KAZN: variants seen among roughly 807,000 people sequenced by gnomAD.
The protein encoded by KAZN is kazrin.
Under a neutral mutation model 87.4 loss-of-function variants are expected in KAZN, and 40 were observed. That is an observed-to-expected ratio of 0.46 (90% CI 0.36 to 0.60). The LOEUF is 0.60. Among genes scored for constraint, KAZN ranks in the 20% least tolerant of loss-of-function variants. KAZN has a pLI of 0.00. For missense variants in KAZN, 898 were observed against 1,073.9 expected (o/e 0.84, Z 2.29); for synonymous variants, 466 against 458.3 (o/e 1.02, Z -0.22).
intron 2 of KAZN, among the ~76,000 whole-genome samples, chr1:14,371,811 A>T (rs2101018485): frequency 6.6e-6 from 1 of 152,246 alleles, no homozygotes; most frequent in African/African-American, 2.4e-5. Flanking sequence ...AAGAAACAGG[A>T]GAATTATCTT....
At chr1:15,030,213 C>T (rs1671552537) in intron 2 of KAZN, among the ~76,000 whole-genome samples, 1 of 152,178 alleles carries the variant, frequency 6.6e-6, no homozygotes, top group Non-Finnish European at 1.5e-5. Context: ...GGCCCCGGCT[C>T]TTCCTTAAGG....
intron 1 of KAZN, among the ~76,000 whole-genome samples, chr1:14,753,192 C>A (rs1403815202): frequency 6.6e-6 from 1 of 152,092 alleles, no homozygotes; most frequent in Non-Finnish European, 1.5e-5. Context: ...GCATTGAGCA[C>A]CTCCTGTTTA....
intron 2 of KAZN, among the ~76,000 whole-genome samples, chr1:14,409,200 G>GA (rs1199011571): frequency 6.6e-6 from 1 of 152,012 alleles, no homozygotes; most frequent in Non-Finnish European, 1.5e-5. Flanking sequence ...GAGCTTTCCA[G>GA]AAAAAAAGTT....
intron 2 of KAZN, among the ~76,000 whole-genome samples, chr1:14,453,324 G>A (rs955121013): frequency 1.3e-5 from 2 of 152,172 alleles, no homozygotes; most frequent in Non-Finnish European, 2.9e-5. Context: ...AAAGGGAAAT[G>A]TGTCTCTATT....
At chr1:14,098,111 G>A (rs1644169382) in intron 1 of KAZN, among the ~76,000 whole-genome samples, 1 of 152,016 alleles carries the variant, frequency 6.6e-6, no homozygotes, top group African/African-American at 2.4e-5. Flanking sequence ...AGTCCTCCCA[G>A]CCAGCAAAGG....
chr1:14,605,313 C>T (rs958477284), intron 1 of KAZN, among the ~76,000 whole-genome samples: 1 of 152,134 alleles, frequency 6.6e-6, no homozygotes. Flanking sequence ...AAGCGCTTAA[C>T]ATGCATTATT....
chr1:14,974,784 G>A (rs1244754129), intron 2 of KAZN, among the ~76,000 whole-genome samples: 1 of 152,218 alleles, frequency 6.6e-6, no homozygotes, highest in Non-Finnish European at 1.5e-5. Context: ...GAAAGCTCCT[G>A]TAGGAACGTG....
At chr1:14,335,230 T>G (rs1571328256) in intron 2 of KAZN, among the ~76,000 whole-genome samples, 1 of 140,714 alleles carries the variant, frequency 7.1e-6, no homozygotes, top group Non-Finnish European at 1.5e-5. Context: ...GGAGATGGAG[T>G]CTCGCTCTGT....
chr1:15,103,124 C>G (rs540473951), intron 11 of KAZN, among the ~76,000 whole-genome samples: 2 of 152,292 alleles, frequency 1.3e-5, no homozygotes, highest in Admixed American at 6.5e-5. Flanking sequence ...GAAAGCAGCC[C>G]GGTGTGGTGG....
In KAZN at chr1:14,626,271, TC is replaced by T. The variant is rs1679133881; in HGVS notation, c.226+27049del. Among the ~76,000 whole-genome samples, 3 of 152,348 alleles carry T rather than the reference TC, an allele frequency of 2.0e-5. No homozygotes were observed. In the East Asian group the frequency reaches 5.8e-4, roughly 29 times the overall value. On this transcript the variant is annotated intron_variant, in intron 1 of 14. Coordinates refer to ENST00000376030, the MANE Select transcript of KAZN (RefSeq NM_201628.3). Reference sequence around the variant, plus strand: ...GTTATTGAAATTCATGAGTTTAGATTCTGACATATGCACTAAGTGCTAAGCA... The same window carrying T: ...GTTATTGAAATTCATGAGTTTAGATTTGACATATGCACTAAGTGCTAAGCA...
chr1:14,839,652 G>C (rs1014596623), intron 1 of KAZN, among the ~76,000 whole-genome samples: 1 of 152,150 alleles, frequency 6.6e-6, no homozygotes, highest in African/African-American at 2.4e-5. Flanking sequence ...TAATCTACCT[G>C]TTTGTGTGTT....
intron 1 of KAZN, among the ~76,000 whole-genome samples, chr1:14,677,353 C>T (rs746217296): frequency 1.4e-4 from 21 of 152,120 alleles, no homozygotes; most frequent in Non-Finnish European, 2.2e-4. Context: ...CTTAGGACTT[C>T]ACTGGTGATA....
At position 14,887,557 on chromosome 1, in the gene KAZN, A is replaced by G. The variant is rs570079975; in HGVS notation, c.227-73127A>G. ...CAGGAGTAAAATAATTATTTCAGTT[A>G]AACATTTTTTTAGTGTCTAGGAAAA... is the stretch of plus-strand genomic sequence containing the variant. On this transcript the variant is annotated intron_variant, in intron 1 of 14. Transcript: ENST00000376030. 5.5e-4 allele frequency among the ~76,000 whole-genome samples: 83 copies of G among 152,182 alleles called. 1 individual carries two copies. Among genetic ancestry groups the G allele is most frequent in the Non-Finnish European group, 1.1e-3 (73 of 68,030 alleles).
At chr1:14,539,273 G>C (rs1411719672) in intron 2 of KAZN, among the ~76,000 whole-genome samples, 1 of 152,202 alleles carries the variant, frequency 6.6e-6, no homozygotes, top group Non-Finnish European at 1.5e-5. Flanking sequence ...AATTTGACCA[G>C]TCGTTATTGA....
intron 1 of KAZN, among the ~76,000 whole-genome samples, chr1:14,871,649 A>AGTGTGTGTGTGTGTGTGTGT (rs3033520): frequency 2.8e-5 from 4 of 144,550 alleles, no homozygotes; most frequent in African/African-American, 5.2e-5. Flanking sequence ...CATGAGCAGC[A>AGTGTGTGTGTGTGTGTGTGT]GTGTGTGTGT....
intron 11 of KAZN, among the ~76,000 whole-genome samples, chr1:15,102,019 T>C (rs533557545): frequency 5.9e-5 from 9 of 152,182 alleles, no homozygotes; most frequent in African/African-American, 1.9e-4. Flanking sequence ...CAACCCCCTA[T>C]TGGGCACGGG....
At chr1:14,509,430 A>G (rs74987781) in intron 2 of KAZN, among the ~76,000 whole-genome samples, 2,239 of 152,290 alleles carry the variant, frequency 0.015, 35 homozygotes, top group African/African-American at 0.017. Flanking sequence ...TCCATGATGG[A>G]TGGAGATGTG....
At chr1:14,407,446 G>T (rs187267033) in intron 2 of KAZN, among the ~76,000 whole-genome samples, 1 of 152,138 alleles carries the variant, frequency 6.6e-6, no homozygotes, top group Non-Finnish European at 1.5e-5. Context: ...GTAAATGGGG[G>T]GAAAAAGAGG....
intron 1 of KAZN, among the ~76,000 whole-genome samples, chr1:14,628,458 A>C (rs1027290111): frequency 4.6e-5 from 7 of 152,254 alleles, no homozygotes; most frequent in Admixed American, 3.9e-4. Context: ...AATTACACTG[A>C]AAACCCCTTT....
Sources: gnomAD v4.1 joint callset for allele counts (sites outside exome capture counted in the v4.1 genomes callset) on GRCh38, gnomAD v4.1.1 for gene constraint, MANE v1.5 for transcripts, NCBI Gene and HGNC (gene_info 2026-07-23, HGNC 2026-07-21) for gene names.